MECOM: variants seen among roughly 807,000 people sequenced by gnomAD.
The protein encoded by MECOM is histone-lysine N-methyltransferase MECOM.
In MECOM, 13 loss-of-function variants were observed where a neutral mutation model predicts 116.3. The observed-to-expected ratio is 0.11, with a 90% confidence interval of 0.07 to 0.18. MECOM has a LOEUF of 0.18. Among genes scored for constraint, MECOM ranks in the 10% least tolerant of loss-of-function variants. The pLI is 1.00. For synonymous variants in MECOM, 528 were observed against 535.2 expected (o/e 0.99, Z 0.19); for missense variants, 1,299 against 1,509.0 (o/e 0.86, Z 2.31).
chr3:169,553,791 C>T (rs1420882996), intron 1 of MECOM, among the ~76,000 whole-genome samples: 1 of 152,200 alleles, frequency 6.6e-6, no homozygotes, highest in Non-Finnish European at 1.5e-5. Context: ...TGTGTACACA[C>T]ATCTCTGGTG....
intron 1 of MECOM, among the ~76,000 whole-genome samples, chr3:169,413,381 G>A (rs1437471905): frequency 1.3e-5 from 2 of 152,060 alleles, no homozygotes; most frequent in African/African-American, 4.8e-5. Flanking sequence ...ATTCCATCAG[G>A]TACCTACACC....
intron 1 of MECOM, among the ~76,000 whole-genome samples, chr3:169,461,015 G>A (rs993274729): frequency 5.9e-5 from 9 of 152,048 alleles, no homozygotes; most frequent in Non-Finnish European, 1.0e-4. Flanking sequence ...TTCTCAGCCA[G>A]TAAATCTGCA....
In MECOM at chr3:169,417,705, A is replaced by G. The variant is rs377182960; in HGVS notation, c.38-36181T>C. Among the ~76,000 whole-genome samples the G allele has an allele frequency of 1.2e-4, 18 of 151,924 alleles. No homozygotes were observed. In the East Asian group the frequency reaches 2.7e-3, roughly 23 times the overall value. On this transcript the variant is annotated intron_variant, in intron 1 of 16. Transcript: ENST00000651503. ...TCACAATAGCAAAGACTTGGAACCA[A>G]CCCAAATGTCCAACAATGATAGACT...
Position 169,663,344 on chromosome 3 carries a change from A to G in MECOM, c.29T>C (p.Leu10Pro). MRSKGRARK[L>P]ATNNECVYGN... The stretch of plus-strand genomic sequence containing the variant: ...AGGGATATTGCACCTACTTGTGGCC[A>G]GTTTCCTTGCCCTGCCTTTGGATCT... Residue 10 changes from leucine (L) to proline (P), a missense_variant, in exon 1 of 17, where the codon CTG becomes CCG. Transcript: ENST00000651503. The G allele has an allele frequency of 1.2e-6, 2 of 1,610,252 alleles. No individual in the cohort carries two copies. Among genetic ancestry groups the G allele is most frequent in the Non-Finnish European group, 1.7e-6 (2 of 1,178,324 alleles).
At chr3:169,632,565 C>T (rs1172898339) in intron 1 of MECOM, among the ~76,000 whole-genome samples, 1 of 152,200 alleles carries the variant, frequency 6.6e-6, no homozygotes, top group East Asian at 1.9e-4. Flanking sequence ...ATGAAGATGG[C>T]TGCCCAAGAC....
intron 1 of MECOM, among the ~76,000 whole-genome samples, chr3:169,508,516 TCA>T (rs34557610): frequency 6.6e-6 from 1 of 150,814 alleles, no homozygotes; most frequent in African/African-American, 2.4e-5. Context: ...ACATACACAC[TCA>T]CACACACACA....
chr3:169,130,727 G>A (rs80161494), intron 4 of MECOM, among the ~76,000 whole-genome samples: 273 of 152,098 alleles, frequency 1.8e-3, no homozygotes, highest in African/African-American at 6.2e-3. Flanking sequence ...TTCTAAAGAT[G>A]CCACTAGATT....
chr3:169,478,222 G>A (rs1750773662), intron 1 of MECOM, among the ~76,000 whole-genome samples: 1 of 152,164 alleles, frequency 6.6e-6, no homozygotes, highest in Admixed American at 6.5e-5. Flanking sequence ...CATAAAGGAT[G>A]TTGCATGTAT....
intron 2 of MECOM, among the ~76,000 whole-genome samples, chr3:169,295,558 A>G (rs1715424992): frequency 6.6e-6 from 1 of 152,234 alleles, no homozygotes; most frequent in South Asian, 2.1e-4. Context: ...GTACTTGTAG[A>G]AAACATTTCC....
chr3:169,634,204 C>T (rs1336751101), intron 1 of MECOM, among the ~76,000 whole-genome samples: 1 of 151,636 alleles, frequency 6.6e-6, no homozygotes, highest in African/African-American at 2.4e-5. Context: ...CCCAAGTCTC[C>T]AGAACACACA....
intron 1 of MECOM, among the ~76,000 whole-genome samples, chr3:169,410,328 C>T (rs1035607213): frequency 2.6e-5 from 4 of 152,146 alleles, no homozygotes; most frequent in Admixed American, 1.3e-4. Context: ...AAATATCAAA[C>T]GTTCTGTCCA....
At chr3:169,350,618 T>C (rs1175920527) in intron 2 of MECOM, among the ~76,000 whole-genome samples, 1 of 151,966 alleles carries the variant, frequency 6.6e-6, no homozygotes, top group African/African-American at 2.4e-5. Context: ...ATTTCAGTCA[T>C]TTAGTTTTTG....
chr3:169,662,127 G>C (rs1004726553), intron 1 of MECOM, among the ~76,000 whole-genome samples: 2 of 152,258 alleles, frequency 1.3e-5, no homozygotes, highest in Non-Finnish European at 2.9e-5. Flanking sequence ...GCAAAGCCAG[G>C]CGAGTCATCC....
intron 1 of MECOM, among the ~76,000 whole-genome samples, chr3:169,504,525 T>A (rs1754962861): frequency 6.6e-6 from 1 of 152,216 alleles, no homozygotes; most frequent in Admixed American, 6.5e-5. Context: ...TCTATTCCAC[T>A]TTATTTTCAT....
chr3:169,271,603 T>C lies in MECOM; in HGVS notation c.375+109584A>G, dbSNP rs192951836. On this transcript the variant is annotated intron_variant, in intron 2 of 16. Coordinates refer to ENST00000651503, the MANE Select transcript of MECOM (RefSeq NM_004991.4). ...GCAGGGAACATCACACACCGGGGCC[T>C]GTGGTGCAGTTGGGGGCTGGGGGAT... Among the ~76,000 whole-genome samples, 832 of 152,210 alleles carry C rather than the reference T, an allele frequency of 5.5e-3. 10 individuals are homozygous for C. Among genetic ancestry groups the C allele is most frequent in the African/African-American group, 0.019 (778 of 41,538 alleles).
chr3:169,500,936 A>G (rs1426966840), intron 1 of MECOM, among the ~76,000 whole-genome samples: 2 of 152,058 alleles, frequency 1.3e-5, no homozygotes. Flanking sequence ...GTTTTAATAA[A>G]GAAAAGTTTT....
At chr3:169,169,854 A>G (rs920003605) in intron 2 of MECOM, among the ~76,000 whole-genome samples, 3 of 144,792 alleles carry the variant, frequency 2.1e-5, no homozygotes, top group African/African-American at 7.7e-5. Context: ...TTTTTTTCCC[A>G]TGGGAAAGAA....
At chr3:169,334,839 G>T (rs1201245701) in intron 2 of MECOM, among the ~76,000 whole-genome samples, 2 of 152,156 alleles carry the variant, frequency 1.3e-5, no homozygotes, top group Non-Finnish European at 1.5e-5. Flanking sequence ...TAATGGAAAA[G>T]ATGCAATTCT....
At chr3:169,250,470 AC>A (rs1348603723) in intron 2 of MECOM, among the ~76,000 whole-genome samples, 1 of 152,194 alleles carries the variant, frequency 6.6e-6, no homozygotes, top group Admixed American at 6.5e-5. Context: ...CATATGTTTG[AC>A]CAACCAGCTT....
Sources: gnomAD v4.1 joint callset for allele counts (sites outside exome capture counted in the v4.1 genomes callset) on GRCh38, gnomAD v4.1.1 for gene constraint, MANE v1.5 for transcripts, NCBI Gene and HGNC (gene_info 2026-07-23, HGNC 2026-07-21) for gene names.